The following HECW2 variants were observed in gnomAD, a reference collection of about 807,000 sequenced individuals.
HECW2 encodes the protein E3 ubiquitin-protein ligase HECW2.
HECW2 carries 61 observed loss-of-function variants against 175.2 expected under a neutral mutation model. The observed-to-expected ratio is 0.35, with a 90% confidence interval of 0.28 to 0.43. The LOEUF (loss-of-function observed/expected upper bound fraction) is 0.43, where lower values mean the gene tolerates loss of function less well. Ranked by LOEUF, HECW2 falls within the 20% of genes least tolerant of loss-of-function variation. The pLI is 1.00. For synonymous variants in HECW2, 671 were observed against 731.0 expected, an observed-to-expected ratio of 0.92 and a Z score of 1.32; for missense variants, 1,524 against 2,000.5, an observed-to-expected ratio of 0.76 and a Z score of 4.54.
intron 2 of HECW2, among the ~76,000 whole-genome samples, chr2:196,351,160 T>A (rs1248874508): frequency 6.6e-6 from 1 of 151,912 alleles, no homozygotes; most frequent in Non-Finnish European, 1.5e-5. Context: ...TTATAAAGAG[T>A]AGTCTTTTAA....
intron 1 of HECW2, among the ~76,000 whole-genome samples, chr2:196,548,246 C>T (rs1689487845): frequency 6.6e-6 from 1 of 151,114 alleles, no homozygotes; most frequent in Admixed American, 6.6e-5. Flanking sequence ...AGGAGAATTG[C>T]TTGAATCGGG....
At chr2:196,310,224 T>G (rs988255685) in intron 10 of HECW2, among the ~76,000 whole-genome samples, 1 of 152,110 alleles carries the variant, frequency 6.6e-6, no homozygotes, top group Non-Finnish European at 1.5e-5. Context: ...ATGGGGAGAA[T>G]AAGAAAACAA....
At chr2:196,456,412 G>A (rs1011094981) in intron 1 of HECW2, among the ~76,000 whole-genome samples, 5 of 149,978 alleles carry the variant, frequency 3.3e-5, no homozygotes, top group Admixed American at 1.3e-4. Context: ...AGCAAGGAAA[G>A]TATTGCCACA....
At chr2:196,504,042 T>C (rs1448678275) in intron 1 of HECW2, among the ~76,000 whole-genome samples, 3 of 152,088 alleles carry the variant, frequency 2.0e-5, no homozygotes, top group African/African-American at 7.2e-5. Context: ...ATGCCTGTAA[T>C]CCCAGCACTT....
chr2:196,247,887 T>C (rs941065986), intron 19 of HECW2, among the ~76,000 whole-genome samples: 1 of 152,242 alleles, frequency 6.6e-6, no homozygotes, highest in African/African-American at 2.4e-5. Flanking sequence ...CATGGCTCCA[T>C]GCCTCTGTCC....
chr2:196,334,428 A>G lies in HECW2; in HGVS notation c.491T>C (p.Val164Ala), dbSNP rs1407865251. Reference sequence around the variant, plus strand: ...CTGGCAGCGAGGGGCACTCACCATCACAGCTGGGTTCTTCACGGTGATGCA... The same window carrying G: ...CTGGCAGCGAGGGGCACTCACCATCGCAGCTGGGTTCTTCACGGTGATGCA... ...TPCITVKNPA[V>A]MMGAEGMEGG... Residue 164 changes from valine to alanine, a missense_variant, in exon 4 of 29, where the codon GTG becomes GCG. Physicochemically the swap from Val to Ala is moderately conservative, Grantham distance 64. Around this residue, in one of 11 missense-constraint regions of HECW2, gnomAD observed 54 missense variants for 46.8 expected, o/e 1.15. Transcript: ENST00000644978. 3 of 1,605,946 alleles carry G rather than the reference A, an allele frequency of 1.9e-6. No individual in the cohort carries two copies. The highest frequency in any genetic ancestry group is 2.6e-6 in the Non-Finnish European group (3 of 1,176,236).
chr2:196,318,712 A>C lies in HECW2; in HGVS notation c.2178T>G (p.Thr726=), dbSNP rs751863400. 3 of 1,570,180 alleles carry C rather than the reference A, an allele frequency of 1.9e-6. No homozygotes were observed. The highest frequency in any genetic ancestry group is 2.6e-6 in the Non-Finnish European group (3 of 1,159,068). The change falls in exon 9 of 29, where the codon ACT becomes ACG. Residue 726 remains threonine, a synonymous_variant. Coordinates refer to ENST00000644978, the MANE Select transcript of HECW2 (RefSeq NM_001348768.2). The part of the protein sequence containing the change: ...EDEGPGAESA[T]VPDQEELGEV... Reference sequence around the variant, plus strand: ...CCCCCAGCTCCTCCTGGTCAGGTACAGTGGCCGATTCTGCCCCTGGCCCTT... The same window carrying C: ...CCCCCAGCTCCTCCTGGTCAGGTACCGTGGCCGATTCTGCCCCTGGCCCTT...
intron 13 of HECW2, among the ~76,000 whole-genome samples, chr2:196,301,936 C>A (rs1321575351): frequency 6.6e-6 from 1 of 152,012 alleles, no homozygotes; most frequent in East Asian, 1.9e-4. Flanking sequence ...GCTTTTGGTA[C>A]TTTTGTCATG....
chr2:196,249,021 G>T (rs147800419), intron 19 of HECW2, among the ~76,000 whole-genome samples: 3 of 152,238 alleles, frequency 2.0e-5, no homozygotes, highest in African/African-American at 7.2e-5. Context: ...TCCTCAATGT[G>T]CAGTGTATAG....
chr2:196,439,560 T>C (rs1282875298), intron 1 of HECW2, among the ~76,000 whole-genome samples: 1 of 152,092 alleles, frequency 6.6e-6, no homozygotes, highest in African/African-American at 2.4e-5. Context: ...TAAAAAGTAA[T>C]GACAACCTCC....
intron 13 of HECW2, among the ~76,000 whole-genome samples, chr2:196,299,329 T>TAA (rs11368645): frequency 0.026 from 3,781 of 144,564 alleles, 161 homozygotes; most frequent in African/African-American, 0.089. Context: ...CAAAATAAGT[T>TAA]AAAAAAAAAA....
chr2:196,455,037 A>ATT lies in HECW2; in HGVS notation c.-35-21581_-35-21580dup, dbSNP rs758809824. On this transcript the variant is annotated intron_variant, in intron 1 of 28. Coordinates refer to ENST00000644978, the MANE Select transcript of HECW2 (RefSeq NM_001348768.2). ...GATTGACCACAGACCCTTTTACTTA[A>ATT]TTTTTTTTTTTTTTTGAGACGGAGT... Among the ~76,000 whole-genome samples the ATT allele has an allele frequency of 8.5e-3, 1,214 of 143,460 alleles. 16 individuals are homozygous for ATT. Among genetic ancestry groups the ATT allele is most frequent in the African/African-American group, 0.028 (1,088 of 39,334 alleles). The allele number at this position is 143,460 out of a possible 152,430, so 94.1% of individuals were successfully genotyped here.
At chr2:196,205,567 T>C (rs1399572192) in intron 28 of HECW2, among the ~76,000 whole-genome samples, 7 of 152,090 alleles carry the variant, frequency 4.6e-5, no homozygotes, top group Non-Finnish European at 8.8e-5. Flanking sequence ...CCCTGAAAAA[T>C]ACCAGGGGAT....
intron 7 of HECW2, among the ~76,000 whole-genome samples, chr2:196,322,078 A>C (rs1477672483): frequency 6.6e-6 from 1 of 152,218 alleles, no homozygotes; most frequent in Admixed American, 6.5e-5. Context: ...AATGGCTCCA[A>C]GACAAGATTG....
At chr2:196,245,236 T>A (rs1001328412) in intron 19 of HECW2, among the ~76,000 whole-genome samples, 10 of 152,348 alleles carry the variant, frequency 6.6e-5, no homozygotes, top group Admixed American at 3.9e-4. Context: ...ACATTACAGA[T>A]GATGCACGTT....
chr2:196,482,304 A>C (rs571470308), intron 1 of HECW2, among the ~76,000 whole-genome samples: 1 of 152,336 alleles, frequency 6.6e-6, no homozygotes, highest in South Asian at 2.1e-4. Flanking sequence ...GACGGTGCCA[A>C]CCCAGAGGTG....
At chr2:196,582,926 C>A (rs1277772881) in intron 1 of HECW2, among the ~76,000 whole-genome samples, 1 of 152,192 alleles carries the variant, frequency 6.6e-6, no homozygotes, top group Non-Finnish European at 1.5e-5. Context: ...CACTGCCTTT[C>A]CTTTTGATGA....
At chr2:196,569,210 T>C (rs1459396002) in intron 1 of HECW2, among the ~76,000 whole-genome samples, 1 of 152,068 alleles carries the variant, frequency 6.6e-6, no homozygotes, top group Non-Finnish European at 1.5e-5. Context: ...GGCATGGTGG[T>C]ACACATCTGT....
At chr2:196,410,817 A>G (rs576250759) in intron 2 of HECW2, among the ~76,000 whole-genome samples, 18 of 152,280 alleles carry the variant, frequency 1.2e-4, no homozygotes, top group African/African-American at 4.1e-4. Context: ...TGATTCAGAC[A>G]TGGTCAGTCT....
Sources: allele counts gnomAD v4.1 joint callset (sites outside exome capture counted in the v4.1 genomes callset), GRCh38; gene constraint gnomAD v4.1.1; regional missense constraint gnomAD v4.1.1; transcripts MANE v1.5; gene names NCBI Gene and HGNC (gene_info 2026-07-23, HGNC 2026-07-21).